ADK: variants seen among roughly 807,000 people sequenced by gnomAD.
ADK encodes adenosine kinase, also known as N6,N6-dimethyladenosine kinase.
ADK carries 24 observed loss-of-function variants against 44.7 expected under a neutral mutation model. The ratio of observed to expected loss-of-function variants is 0.54; its 90% CI spans 0.39 to 0.76. ADK has a LOEUF of 0.76. Among genes scored for constraint, ADK ranks in the 30% least tolerant of loss-of-function variants. ADK has a pLI of 0.00. For missense variants in ADK, 321 were observed against 425.1 expected, an observed-to-expected ratio of 0.76 and a Z score of 2.15; for synonymous variants, 128 against 142.6, an observed-to-expected ratio of 0.90 and a Z score of 0.73.
intron 2 of ADK, among the ~76,000 whole-genome samples, chr10:74,209,781 G>T (rs1224640683): frequency 6.6e-6 from 1 of 152,100 alleles, no homozygotes; most frequent in Non-Finnish European, 1.5e-5. Context: ...TTATTGAAAA[G>T]AATCTTTTCT....
chr10:74,516,212 G>T (rs542528487), intron 6 of ADK, among the ~76,000 whole-genome samples: 1 of 152,262 alleles, frequency 6.6e-6, no homozygotes, highest in African/African-American at 2.4e-5. Context: ...AAAGAGGCTG[G>T]TAGGGATCTT....
intron 3 of ADK, 144 bp downstream of exon 3, chr10:74,224,735 C>A: frequency 1.4e-6 from 1 of 706,484 alleles, no homozygotes; most frequent in Non-Finnish European, 2.5e-6. Context: ...ATTATGATAA[C>A]CTACACTATA....
At chr10:74,668,396 T>C (rs1855048360) in intron 9 of ADK, among the ~76,000 whole-genome samples, 2 of 152,190 alleles carry the variant, frequency 1.3e-5, no homozygotes, top group Admixed American at 1.3e-4. Flanking sequence ...CAAAATCTTG[T>C]CAACTGCCAT....
intron 9 of ADK, among the ~76,000 whole-genome samples, chr10:74,623,679 A>G (rs1301591194): frequency 6.6e-6 from 1 of 151,234 alleles, no homozygotes; most frequent in Non-Finnish European, 1.5e-5. Flanking sequence ...GATTTTATTT[A>G]TATATATACA....
chr10:74,495,104 T>G (rs1028969799), intron 6 of ADK, among the ~76,000 whole-genome samples: 1 of 152,130 alleles, frequency 6.6e-6, no homozygotes, highest in African/African-American at 2.4e-5. Flanking sequence ...CTAGAAGCAT[T>G]TATGATCTGT....
At position 74,301,478 on chromosome 10, in the gene ADK, C is replaced by A. The variant is rs374391821; in HGVS notation, c.195-13189C>A. The stretch of plus-strand genomic sequence containing the variant: ...GCGGTGAGCCCAGATTGCACCACTG[C>A]ACTCCAGCCTGGGTGACAGAATGAG... On this transcript the variant is annotated intron_variant, in intron 3 of 10. Coordinates refer to ENST00000539909, the MANE Select transcript of ADK (RefSeq NM_006721.4). 4.3e-3 allele frequency among the ~76,000 whole-genome samples: 625 copies of A among 144,122 alleles called. 6 individuals carry two copies. Among genetic ancestry groups the A allele is most frequent in the African/African-American group, 0.015 (567 of 38,560 alleles). 94.5% of individuals were successfully genotyped at this position (144,122 alleles called of 152,430 possible).
At chr10:74,232,999 G>T (rs936300112) in intron 3 of ADK, among the ~76,000 whole-genome samples, 1 of 152,190 alleles carries the variant, frequency 6.6e-6, no homozygotes, top group Admixed American at 6.5e-5. Flanking sequence ...TGTGTTATTG[G>T]TGGTAAAATC....
chr10:74,624,034 G>A (rs1237104415), intron 9 of ADK, among the ~76,000 whole-genome samples: 1 of 152,084 alleles, frequency 6.6e-6, no homozygotes, highest in Non-Finnish European at 1.5e-5. Flanking sequence ...TGGAAGTATA[G>A]CTGAAAAGTC....
chr10:74,166,591 G>A (rs1842038837), intron 1 of ADK, among the ~76,000 whole-genome samples: 1 of 151,358 alleles, frequency 6.6e-6, no homozygotes, highest in Non-Finnish European at 1.5e-5. Flanking sequence ...GGAGGCTGAG[G>A]TAGGAGAATC....
intron 2 of ADK, among the ~76,000 whole-genome samples, chr10:74,215,410 A>T (rs1435409353): frequency 6.6e-6 from 1 of 152,100 alleles, no homozygotes; most frequent in African/African-American, 2.4e-5. Flanking sequence ...TCCCAGGTTC[A>T]AGTGATTCTC....
chr10:74,314,555 A>G, intron 3 of ADK, 112 bp from the exon 4 acceptor site: 1 of 701,802 alleles, frequency 1.4e-6, no homozygotes, highest in South Asian at 1.6e-5. Context: ...ACATACTTAA[A>G]CAATAAAAAC....
In ADK at chr10:74,436,092, G is replaced by A. The variant is rs144959214; in HGVS notation, c.555+37513G>A. Among the ~76,000 whole-genome samples the A allele has an allele frequency of 1.9e-3, 292 of 152,246 alleles. 1 individual carries two copies. The highest frequency in any genetic ancestry group is 3.5e-3 in the Non-Finnish European group (239 of 67,998). Reference sequence around the variant, plus strand: ...TGCATACAGCAATTTGTGTATAATTGTATTTAGGCCCTATGACTTATTAGA... The same window carrying A: ...TGCATACAGCAATTTGTGTATAATTATATTTAGGCCCTATGACTTATTAGA... On this transcript the variant is annotated intron_variant, in intron 6 of 10. Coordinates refer to ENST00000539909, the MANE Select transcript of ADK (RefSeq NM_006721.4).
intron 4 of ADK, among the ~76,000 whole-genome samples, chr10:74,329,171 C>T (rs1841132268): frequency 6.9e-6 from 1 of 145,766 alleles, no homozygotes; most frequent in Non-Finnish European, 1.5e-5. Context: ...ACAATTCCTA[C>T]CCTTCCATTT....
chr10:74,170,477 G>A (rs985305205), intron 1 of ADK, among the ~76,000 whole-genome samples: 4 of 152,096 alleles, frequency 2.6e-5, no homozygotes, highest in African/African-American at 9.7e-5. Flanking sequence ...AAGGGCAGGA[G>A]TAAGTTTTGT....
intron 6 of ADK, among the ~76,000 whole-genome samples, chr10:74,474,378 C>T (rs559093387): frequency 1.5e-4 from 23 of 152,338 alleles, no homozygotes; most frequent in African/African-American, 5.3e-4. Context: ...GCTGAGATCA[C>T]ATGTGTGACC....
At chr10:74,702,142 A>T (rs868623755) in intron 10 of ADK, among the ~76,000 whole-genome samples, 2 of 151,962 alleles carry the variant, frequency 1.3e-5, no homozygotes, top group African/African-American at 2.4e-5. Flanking sequence ...TGGATACTCA[A>T]TCTGGGAGGG....
At chr10:74,237,336 G>A (rs1388826680) in intron 3 of ADK, among the ~76,000 whole-genome samples, 1 of 152,174 alleles carries the variant, frequency 6.6e-6, no homozygotes, top group Non-Finnish European at 1.5e-5. Context: ...GTCCATTCAA[G>A]TTTTATCATG....
intron 1 of ADK, among the ~76,000 whole-genome samples, chr10:74,191,389 C>T (rs1173664105): frequency 1.3e-5 from 2 of 151,550 alleles, no homozygotes; most frequent in Non-Finnish European, 2.9e-5. Flanking sequence ...GTTTTTTAAG[C>T]ATTAAAAAAA....
intron 3 of ADK, among the ~76,000 whole-genome samples, chr10:74,289,562 G>A (rs563576709): frequency 1.3e-5 from 2 of 152,134 alleles, no homozygotes; most frequent in South Asian, 2.1e-4. Context: ...TTATGTTTTT[G>A]TTGAAAAATT....
Sources: gnomAD v4.1 joint callset for allele counts (sites outside exome capture counted in the v4.1 genomes callset) on GRCh38, gnomAD v4.1.1 for gene constraint, MANE v1.5 for transcripts, NCBI Gene and HGNC (gene_info 2026-07-23, HGNC 2026-07-21) for gene names.